KIRREL3: variants seen among roughly 807,000 people sequenced by gnomAD.
The protein encoded by KIRREL3 is kirre like nephrin family adhesion molecule 3, also known as kin of IRRE-like protein 3.
A neutral mutation model predicts 89.7 loss-of-function variants in KIRREL3; 36 were observed. The observed-to-expected ratio is 0.40, with a 90% CI of 0.31 to 0.53. KIRREL3 has a LOEUF of 0.53. Ranked by LOEUF, KIRREL3 falls within the 20% of genes least tolerant of loss-of-function variation. KIRREL3 has a pLI of 0.49. For synonymous variants in KIRREL3, 445 were observed against 441.4 expected (o/e 1.01, Z -0.10); for missense variants, 864 against 1,056.6 (o/e 0.82, Z 2.53).
chr11:126,963,975 G>C (rs1172113509), intron 1 of KIRREL3, among the ~76,000 whole-genome samples: 1 of 152,130 alleles, frequency 6.6e-6, no homozygotes, highest in Non-Finnish European at 1.5e-5. Context: ...GGGAGGTACA[G>C]AAAAAATTAG....
At chr11:126,864,213 G>A (rs1351882014) in intron 1 of KIRREL3, among the ~76,000 whole-genome samples, 2 of 152,194 alleles carry the variant, frequency 1.3e-5, no homozygotes, top group East Asian at 1.9e-4. Context: ...TTAGGGATAA[G>A]GAAACTGAAC....
At position 126,683,119 on chromosome 11, in the gene KIRREL3, G is replaced by A. The variant is rs180682059; in HGVS notation, c.56-120207C>T. Among the ~76,000 whole-genome samples the A allele has an allele frequency of 6.6e-6, 1 of 152,098 alleles. No homozygotes were observed. Among genetic ancestry groups the A allele is most frequent in the African/African-American group, 2.4e-5 (1 of 41,410 alleles). On this transcript the variant is annotated intron_variant, in intron 1 of 16. Coordinates refer to ENST00000525144, the MANE Select transcript of KIRREL3 (RefSeq NM_032531.4). This position sits in a 1 kb window ranked among gnomAD's most constrained non-coding sequence, Gnocchi z 5.2. The stretch of plus-strand genomic sequence containing the variant: ...GATCTTACCGCCTCAGCCTTCCAAA[G>A]TGTTGCAATTACAAGCGTGAGCCAC...
At chr11:126,524,088 C>T (rs1039264238) in intron 3 of KIRREL3, among the ~76,000 whole-genome samples, 5 of 152,188 alleles carry the variant, frequency 3.3e-5, no homozygotes, top group South Asian at 2.1e-4. Context: ...GTTCTATAGT[C>T]GAATTGCCTG....
At chr11:126,854,083 C>CTCCTG (rs1216779823) in intron 1 of KIRREL3, among the ~76,000 whole-genome samples, 1 of 149,876 alleles carries the variant, frequency 6.7e-6, no homozygotes, top group African/African-American at 2.5e-5. Flanking sequence ...AAAAACAAAG[C>CTCCTG]TCCTGTTAAC....
chr11:126,497,187 AGT>A (rs1462949924), intron 4 of KIRREL3, among the ~76,000 whole-genome samples: 8 of 105,042 alleles, frequency 7.6e-5, no homozygotes, highest in Non-Finnish European at 1.3e-4. Context: ...AGTGTGTGAG[AGT>A]GTGAGTGTGT....
chr11:126,596,963 A>G (rs866565303), intron 1 of KIRREL3, among the ~76,000 whole-genome samples: 3 of 152,202 alleles, frequency 2.0e-5, no homozygotes, highest in Non-Finnish European at 2.9e-5. Flanking sequence ...AGGAAGCAGG[A>G]TGGGGCATTA....
Position 126,703,575 on chromosome 11 carries a change from G to A in KIRREL3, c.56-140663C>T, listed in dbSNP as rs61897864. On this transcript the variant is annotated intron_variant, in intron 1 of 16. Coordinates refer to ENST00000525144, the MANE Select transcript of KIRREL3 (RefSeq NM_032531.4). This position sits in a 1 kb window ranked among gnomAD's most constrained non-coding sequence, Gnocchi z 4.6. ...TGATCGGTCAGAGGTCAGTCAGATC[G>A]GGAGTGATGGGGCTGTAATCCAAAT... is the stretch of plus-strand genomic sequence containing the variant. Among the ~76,000 whole-genome samples the A allele has an allele frequency of 0.031, 4,699 of 152,250 alleles. 240 individuals carry two copies. The highest frequency in any genetic ancestry group is 0.11 in the African/African-American group (4,471 of 41,528).
At position 126,427,622 on chromosome 11, in the gene KIRREL3, T is replaced by C. The variant is rs1954991994; in HGVS notation, c.1806+1557A>G. On this transcript the variant is annotated intron_variant, in intron 15 of 16. Coordinates refer to ENST00000525144, the MANE Select transcript of KIRREL3 (RefSeq NM_032531.4). The surrounding 1 kb of genome is among the most constrained non-coding windows in gnomAD (Gnocchi z 5.3). ...AGGCCAGATGTACTTGGCCGGAAAATGGAGCTGGAGAGGTTGGTGGTTGCC... is the reference window on the plus strand; with the variant it reads ...AGGCCAGATGTACTTGGCCGGAAAACGGAGCTGGAGAGGTTGGTGGTTGCC... Among the ~76,000 whole-genome samples, 1 of 151,978 alleles carries C rather than the reference T, an allele frequency of 6.6e-6. No homozygotes were observed. Among genetic ancestry groups the C allele is most frequent in the Non-Finnish European group, 1.5e-5 (1 of 68,004 alleles).
chr11:126,855,363 G>T (rs1189290193), intron 1 of KIRREL3, among the ~76,000 whole-genome samples: 1 of 152,084 alleles, frequency 6.6e-6, no homozygotes, highest in Non-Finnish European at 1.5e-5. Context: ...TCCTTCTCCA[G>T]CCATCTAAGA....
At position 126,969,186 on chromosome 11, in the gene KIRREL3, A is replaced by T. The variant is rs1320602604; in HGVS notation, c.55+31269T>A. On this transcript the variant is annotated intron_variant, in intron 1 of 16. Coordinates refer to ENST00000525144, the MANE Select transcript of KIRREL3 (RefSeq NM_032531.4). The surrounding 1 kb of genome is among the most constrained non-coding windows in gnomAD (Gnocchi z 4.9). ...TAAACCGCGAAAACAGGCCTGGGGCAAAAGAGTCCGTAGATACCGCAGTCA... is the reference window on the plus strand; with the variant it reads ...TAAACCGCGAAAACAGGCCTGGGGCTAAAGAGTCCGTAGATACCGCAGTCA... Among the ~76,000 whole-genome samples, 2 of 152,148 alleles carry T rather than the reference A, an allele frequency of 1.3e-5. No individual in the cohort carries two copies. Among genetic ancestry groups the T allele is most frequent in the Admixed American group, 6.5e-5 (1 of 15,276 alleles).
intron 1 of KIRREL3, chr11:126,920,319 G>A (rs904420363): frequency 6.6e-5 from 10 of 152,252 alleles, no homozygotes; most frequent in African/African-American, 2.2e-4. Context: ...GAAATCTATC[G>A]ATTAGACAAA....
rs117220411 is a variant in KIRREL3, at chr11:126,736,922, G to A, written c.56-174010C>T. Among the ~76,000 whole-genome samples, 1 of 152,200 alleles carries A rather than the reference G, an allele frequency of 6.6e-6. No individual in the cohort carries two copies. Among genetic ancestry groups the A allele is most frequent in the Non-Finnish European group, 1.5e-5 (1 of 68,032 alleles). ...GGCTGTCACAAGCATGGTGTGGAAA[G>A]GTCCTACTTAGTTTTCCAGGGAGCC... On this transcript the variant is annotated intron_variant, in intron 1 of 16. Transcript: ENST00000525144. This position sits in a 1 kb window ranked among gnomAD's most constrained non-coding sequence, Gnocchi z 5.0.
chr11:126,756,400 G>C (rs1441306568), intron 1 of KIRREL3, among the ~76,000 whole-genome samples: 1 of 152,206 alleles, frequency 6.6e-6, no homozygotes, highest in Admixed American at 6.5e-5. Context: ...AAAACCTCTG[G>C]TGTTGGAGGA....
At chr11:126,547,209 C>A (rs770040252) in intron 2 of KIRREL3, among the ~76,000 whole-genome samples, 1 of 152,194 alleles carries the variant, frequency 6.6e-6, no homozygotes, top group Non-Finnish European at 1.5e-5. Flanking sequence ...TTTCAGGGAC[C>A]ACTAGTCCTG....
chr11:126,424,746 T>C lies in KIRREL3; in HGVS notation c.2171A>G (p.Asp724Gly). 1 of 1,614,014 alleles carries C rather than the reference T, an allele frequency of 6.2e-7. No homozygotes were observed. Among genetic ancestry groups the C allele is most frequent in the Non-Finnish European group, 8.5e-7 (1 of 1,179,896 alleles). Reference protein sequence around the residue: ...GSLSDSSSFLDTQCDSSVSSS... With the variant: ...GSLSDSSSFLGTQCDSSVSSS... ...GCTGACGCTGCTGTCACACTGCGTG[T>C]CCAGGAAGGAGCTGCTGTCGCTGAG... Residue 724 changes from aspartate to glycine, a missense_variant, in exon 17 of 17, where the codon GAC becomes GGC. Physicochemically the swap from Asp to Gly is moderately conservative, Grantham distance 94. Coordinates refer to ENST00000525144, the MANE Select transcript of KIRREL3 (RefSeq NM_032531.4).
At chr11:126,618,162 C>A (rs962594668) in intron 1 of KIRREL3, among the ~76,000 whole-genome samples, 1 of 152,192 alleles carries the variant, frequency 6.6e-6, no homozygotes, top group African/African-American at 2.4e-5. Flanking sequence ...TGAGACATCT[C>A]GCTTCTCCTA....
In KIRREL3 at chr11:126,843,358, G is replaced by A. The variant is rs1204226446; in HGVS notation, c.55+157097C>T. Reference sequence around the variant, plus strand: ...CTGGAAGATCTCCAAGTGTAAAGGTGCATGAGAAATGCTTCCAGTGAGTGA... The same window carrying A: ...CTGGAAGATCTCCAAGTGTAAAGGTACATGAGAAATGCTTCCAGTGAGTGA... On this transcript the variant is annotated intron_variant, in intron 1 of 16. Transcript: ENST00000525144. This position sits in a 1 kb window ranked among gnomAD's most constrained non-coding sequence, Gnocchi z 4.6. 6.6e-6 allele frequency among the ~76,000 whole-genome samples: 1 copy of A among 152,162 alleles called. No homozygotes were observed. The highest frequency in any genetic ancestry group is 1.5e-5 in the Non-Finnish European group (1 of 68,032).
chr11:126,495,126 C>T lies in KIRREL3; in HGVS notation c.434-21660G>A, dbSNP rs915273081. Among the ~76,000 whole-genome samples the T allele has an allele frequency of 5.3e-5, 8 of 152,278 alleles. No homozygotes were observed. The highest frequency in any genetic ancestry group is 7.4e-5 in the Non-Finnish European group (5 of 68,010). Reference sequence around the variant, plus strand: ...CAGGCAAGTCCCAAGGTCTGTTGCTCGGACCCTGGGCTGTGCTGTGTGTGG... The same window carrying T: ...CAGGCAAGTCCCAAGGTCTGTTGCTTGGACCCTGGGCTGTGCTGTGTGTGG... On this transcript the variant is annotated intron_variant, in intron 4 of 16. Transcript: ENST00000525144. This position sits in a 1 kb window ranked among gnomAD's most constrained non-coding sequence, Gnocchi z 6.5.
Position 126,876,271 on chromosome 11 carries a change from G to A in KIRREL3, c.55+124184C>T, listed in dbSNP as rs1024872655. Among the ~76,000 whole-genome samples, 2 of 152,208 alleles carry A rather than the reference G, an allele frequency of 1.3e-5. No homozygotes were observed. The highest frequency in any genetic ancestry group is 2.9e-5 in the Non-Finnish European group (2 of 68,040). The stretch of plus-strand genomic sequence containing the variant: ...GACCTGCAGAGGTGCTGTTCAGGAA[G>A]AAACAGATCTGCTGGAGGCAACGAT... On this transcript the variant is annotated intron_variant, in intron 1 of 16. Transcript: ENST00000525144. The surrounding 1 kb of genome is among the most constrained non-coding windows in gnomAD (Gnocchi z 4.1).
Sources: gnomAD v4.1 joint callset for allele counts (sites outside exome capture counted in the v4.1 genomes callset) on GRCh38, gnomAD v4.1.1 for gene constraint, Gnocchi (gnomAD v3.1) non-coding constraint, MANE v1.5 for transcripts, NCBI Gene and HGNC (gene_info 2026-07-23, HGNC 2026-07-21) for gene names.